Variants in FBXL7 observed in about 807,000 individuals in gnomAD.
The protein encoded by FBXL7 is F-box and leucine rich repeat protein 7, also known as F-box/LRR-repeat protein 7.
In FBXL7, 12 loss-of-function variants were observed where a neutral mutation model predicts 38.3. That is an observed-to-expected ratio of 0.31 (90% confidence interval 0.20 to 0.51). The LOEUF is 0.51. Among genes scored for constraint, FBXL7 ranks in the 20% least tolerant of loss-of-function variants. The pLI is 0.98. For synonymous variants in FBXL7, 297 were observed against 300.9 expected (o/e 0.99, Z 0.13); for missense variants, 567 against 676.4 (o/e 0.84, Z 1.79).
At chr5:15,810,843 A>G (rs1267939082) in intron 2 of FBXL7, among the ~76,000 whole-genome samples, 1 of 152,148 alleles carries the variant, frequency 6.6e-6, no homozygotes, top group Non-Finnish European at 1.5e-5. Flanking sequence ...TTTATTTTGT[A>G]TTTTCATTGT....
chr5:15,547,897 G>A (rs1326817374), intron 1 of FBXL7, among the ~76,000 whole-genome samples: 15 of 152,174 alleles, frequency 9.9e-5, no homozygotes, highest in Admixed American at 9.8e-4. Flanking sequence ...GGAACTTGAA[G>A]TCGGCAACAT....
At chr5:15,847,687 A>C (rs1238113396) in intron 2 of FBXL7, among the ~76,000 whole-genome samples, 1 of 152,130 alleles carries the variant, frequency 6.6e-6, no homozygotes, top group Non-Finnish European at 1.5e-5. Flanking sequence ...GTTGATTTTG[A>C]TTTAATTGAA....
At chr5:15,924,720 T>C (rs1278583198) in intron 2 of FBXL7, among the ~76,000 whole-genome samples, 4 of 148,780 alleles carry the variant, frequency 2.7e-5, no homozygotes, top group Non-Finnish European at 4.4e-5. Flanking sequence ...GCCTCCTGGG[T>C]GCAAGCAAAA....
At position 15,620,404 on chromosome 5, in the gene FBXL7, TTGTTTTTTG is replaced by T. The variant is rs199768442; in HGVS notation, c.127+4334_127+4342del. ...CATGCCACCACGCCCAGCTAATTTTTTGTTTTTTGTTTTTTTTTTTTTTTAAGTAGAAAC... is the reference window on the plus strand; with the variant it reads ...CATGCCACCACGCCCAGCTAATTTTTTTTTTTTTTTTTTTTAAGTAGAAAC... On this transcript the variant is annotated intron_variant, in intron 2 of 3. Coordinates refer to ENST00000504595, the MANE Select transcript of FBXL7 (RefSeq NM_012304.5). 0.021 allele frequency among the ~76,000 whole-genome samples: 2,927 copies of T among 137,464 alleles called. 313 individuals carry two copies. In the East Asian group the frequency reaches 0.35, roughly 16 times the overall value. The allele number at this position is 137,464 out of a possible 152,430, so 90.2% of individuals were successfully genotyped here. A position where few individuals can be genotyped will look rare whatever the true frequency, so the allele number is the denominator to read the frequency against.
chr5:15,687,092 G>C (rs890591476), intron 2 of FBXL7, among the ~76,000 whole-genome samples: 2 of 152,194 alleles, frequency 1.3e-5, no homozygotes, highest in African/African-American at 4.8e-5. Flanking sequence ...CCATAATAAA[G>C]TTTTCTCCTG....
At chr5:15,603,876 C>G (rs1739896456) in intron 1 of FBXL7, among the ~76,000 whole-genome samples, 1 of 152,164 alleles carries the variant, frequency 6.6e-6, no homozygotes, top group African/African-American at 2.4e-5. Flanking sequence ...GTGGCTCACA[C>G]CTGTAACCCC....
intron 2 of FBXL7, among the ~76,000 whole-genome samples, chr5:15,861,287 A>T (rs572937459): frequency 5.3e-5 from 8 of 152,192 alleles, no homozygotes; most frequent in Non-Finnish European, 1.2e-4. Context: ...TGACATTTAC[A>T]TTGTCCCTGT....
intron 2 of FBXL7, among the ~76,000 whole-genome samples, chr5:15,876,967 T>C (rs1347526222): frequency 6.6e-6 from 1 of 152,172 alleles, no homozygotes; most frequent in Non-Finnish European, 1.5e-5. Context: ...CTCTAAAGTT[T>C]TGTATGTCAA....
At chr5:15,547,858 G>A (rs1275798696) in intron 1 of FBXL7, among the ~76,000 whole-genome samples, 1 of 152,176 alleles carries the variant, frequency 6.6e-6, no homozygotes, top group Non-Finnish European at 1.5e-5. Flanking sequence ...CTAAGTCCAC[G>A]GTTACCTGGA....
chr5:15,928,599 C>T lies in FBXL7; in HGVS notation c.739+98C>T. 4.1e-6 allele frequency: 6 copies of T among 1,464,572 alleles called. No individual in the cohort carries two copies. In the South Asian group the frequency reaches 6.7e-5, roughly 16 times the overall value. 90.7% of individuals were successfully genotyped at this position (1,464,572 alleles called of 1,614,324 possible). On this transcript the variant is annotated intron_variant, in intron 3 of 3. Transcript: ENST00000504595. This position sits in a 1 kb window ranked among gnomAD's most constrained non-coding sequence, Gnocchi z 4.0. ...CACCGGAGGGTCCTCTTCTTGCAAG[C>T]CATCAGAGATGGGGGCGGGTGGTAG...
intron 2 of FBXL7, among the ~76,000 whole-genome samples, chr5:15,856,218 G>A (rs1739267329): frequency 1.3e-5 from 2 of 152,080 alleles, no homozygotes; most frequent in Non-Finnish European, 2.9e-5. Flanking sequence ...ATCAGATCTT[G>A]TGAGACTTAT....
intron 2 of FBXL7, among the ~76,000 whole-genome samples, chr5:15,890,037 T>A (rs1740835642): frequency 6.6e-6 from 1 of 152,124 alleles, no homozygotes; most frequent in African/African-American, 2.4e-5. Context: ...CCTATCAGAC[T>A]TCATTCTCTC....
At chr5:15,507,080 G>A (rs1238498735) in intron 1 of FBXL7, among the ~76,000 whole-genome samples, 2 of 151,456 alleles carry the variant, frequency 1.3e-5, no homozygotes, top group South Asian at 2.1e-4. Flanking sequence ...GGCCCAGGGC[G>A]TGCTCTTCAA....
chr5:15,657,292 T>A (rs1038355348), intron 2 of FBXL7, among the ~76,000 whole-genome samples: 1 of 152,332 alleles, frequency 6.6e-6, no homozygotes, highest in African/African-American at 2.4e-5. Context: ...CCTACTTTAG[T>A]AGGCAACTTT....
chr5:15,796,448 C>A (rs975953869), intron 2 of FBXL7, among the ~76,000 whole-genome samples: 1 of 150,676 alleles, frequency 6.6e-6, no homozygotes, highest in South Asian at 2.1e-4. Flanking sequence ...GCCTGCAAAG[C>A]CTAAAATATT....
intron 2 of FBXL7, among the ~76,000 whole-genome samples, chr5:15,793,951 A>C (rs1171349701): frequency 1.3e-5 from 2 of 152,224 alleles, no homozygotes; most frequent in African/African-American, 4.8e-5. Flanking sequence ...TCCTGCCCAC[A>C]CTATGCACAC....
intron 2 of FBXL7, among the ~76,000 whole-genome samples, chr5:15,697,628 G>C (rs925722825): frequency 1.3e-5 from 2 of 151,902 alleles, no homozygotes; most frequent in African/African-American, 4.8e-5. Flanking sequence ...TGATGGAGGT[G>C]CCAAAGACAT....
chr5:15,588,451 A>G (rs1485610559), intron 1 of FBXL7, among the ~76,000 whole-genome samples: 1 of 149,580 alleles, frequency 6.7e-6, no homozygotes, highest in Non-Finnish European at 1.5e-5. Flanking sequence ...CAGTGGCACG[A>G]TCTCGGGTCA....
intron 2 of FBXL7, among the ~76,000 whole-genome samples, chr5:15,696,015 T>C (rs1743320830): frequency 6.6e-6 from 1 of 152,346 alleles, no homozygotes; most frequent in East Asian, 1.9e-4. Context: ...AAGAGGCATG[T>C]CCACTGAGTC....
Sources: gnomAD v4.1 joint callset for allele counts (sites outside exome capture counted in the v4.1 genomes callset) on GRCh38, gnomAD v4.1.1 for gene constraint, Gnocchi (gnomAD v3.1) non-coding constraint, MANE v1.5 for transcripts, NCBI Gene and HGNC (gene_info 2026-07-23, HGNC 2026-07-21) for gene names.